Variants in PHF11 observed in about 807,000 individuals in gnomAD.
PHF11 encodes the protein BRCA1 C-terminus-associated protein.
PHF11 carries 38 observed loss-of-function variants against 40.5 expected under a neutral mutation model. That is an observed-to-expected ratio of 0.94 (90% CI 0.72 to 1.23). The LOEUF (loss-of-function observed/expected upper bound fraction) is 1.23. Among genes scored for constraint, PHF11 ranks in the 50% most tolerant of loss-of-function variants. The pLI, the probability that PHF11 is intolerant of heterozygous loss-of-function variation, is 0.00. For synonymous variants in PHF11, 127 were observed against 138.2 expected, an observed-to-expected ratio of 0.92 and a Z score of 0.57; for missense variants, 369 against 392.4, an observed-to-expected ratio of 0.94 and a Z score of 0.50.
intron 5 of PHF11, 113 bp downstream of exon 5, chr13:49,521,053 T>C (rs932327066): frequency 1.7e-5 from 24 of 1,410,946 alleles, no homozygotes; most frequent in Admixed American, 2.8e-5. Context: ...ATGTTTGAGT[T>C]AAAATTTTAC....
At chr13:49,508,317 ATAATATAT>A (rs200998024) in intron 2 of PHF11, among the ~76,000 whole-genome samples, 11,642 of 146,244 alleles carry the variant, frequency 0.08, 674 homozygotes, top group East Asian at 0.17. Flanking sequence ...TGCATTTTAT[ATAATATAT>A]TACTATATTC....
intron 1 of PHF11, among the ~76,000 whole-genome samples, chr13:49,503,863 G>T (rs890995573): frequency 9.2e-5 from 14 of 152,104 alleles, no homozygotes; most frequent in Admixed American, 9.2e-4. Flanking sequence ...CTCCCAAGTA[G>T]CTGGAATTAC....
intron 1 of PHF11, 38 bp from the exon 2 acceptor site, chr13:49,506,597 T>A: frequency 1.2e-6 from 2 of 1,607,198 alleles, no homozygotes; most frequent in Non-Finnish European, 1.7e-6. Context: ...ACCAAGAAAT[T>A]CCACTTTTCC....
At chr13:49,526,564 C>T (rs1959291552) in intron 9 of PHF11, 106 bp downstream of exon 9, 2 of 736,208 alleles carry the variant, frequency 2.7e-6, no homozygotes, top group Admixed American at 4.7e-5. Flanking sequence ...GAAGAATGTT[C>T]ATTGTTTTCT....
chr13:49,517,925 C>T (rs1959169199), intron 3 of PHF11, 93 bp from the exon 4 acceptor site: 1 of 697,878 alleles, frequency 1.4e-6, no homozygotes, highest in African/African-American at 1.8e-5. Flanking sequence ...AAATGCAGGG[C>T]TTCTGGAACT....
chr13:49,513,627 G>A (rs533532528), intron 3 of PHF11, among the ~76,000 whole-genome samples: 7 of 131,428 alleles, frequency 5.3e-5, no homozygotes, highest in Non-Finnish European at 8.8e-5. Context: ...CACCACGCCC[G>A]GCCAACATTT....
intron 1 of PHF11, among the ~76,000 whole-genome samples, chr13:49,497,708 ACT>A (rs1958836302): frequency 6.6e-6 from 1 of 152,006 alleles, no homozygotes; most frequent in East Asian, 1.9e-4. Flanking sequence ...GTCTCCCATG[ACT>A]CTCAGAACAA....
chr13:49,503,807 A>G (rs919741689), intron 1 of PHF11, among the ~76,000 whole-genome samples: 2 of 152,014 alleles, frequency 1.3e-5, no homozygotes, highest in Non-Finnish European at 2.9e-5. Flanking sequence ...ATTTCAGCTC[A>G]CTGCAGCCTC....
At chr13:49,528,337 G>T (rs1959399591) in intron 9 of PHF11, among the ~76,000 whole-genome samples, 174 bp from the exon 10 acceptor site, 1 of 152,172 alleles carries the variant, frequency 6.6e-6, no homozygotes, top group Admixed American at 6.5e-5. Context: ...GAATTAGAAG[G>T]AGGAAGTGAA....
chr13:49,515,880 C>G (rs1031736724), intron 3 of PHF11, among the ~76,000 whole-genome samples: 1 of 152,154 alleles, frequency 6.6e-6, no homozygotes, highest in East Asian at 1.9e-4. Context: ...GCATGTAAGT[C>G]CTACGTGACC....
intron 2 of PHF11, among the ~76,000 whole-genome samples, chr13:49,510,541 A>T (rs1297434776): frequency 6.6e-6 from 1 of 151,852 alleles, no homozygotes; most frequent in Non-Finnish European, 1.5e-5. Flanking sequence ...GGAGTGGCAT[A>T]ATCATAGCTC....
intron 1 of PHF11, 35 bp downstream of exon 1, chr13:49,496,130 G>A (rs1958801528): frequency 1.1e-6 from 1 of 935,882 alleles, no homozygotes; most frequent in Non-Finnish European, 1.4e-6. Flanking sequence ...CGGGCGGGCG[G>A]GGCTGGGCAG....
chr13:49,517,650 C>T (rs1959167730), intron 3 of PHF11, among the ~76,000 whole-genome samples: 1 of 152,204 alleles, frequency 6.6e-6, no homozygotes, highest in Non-Finnish European at 1.5e-5. Flanking sequence ...TCGCCTGTCT[C>T]AAAGGGCCCC....
At chr13:49,499,200 T>A (rs1566184512) in intron 1 of PHF11, among the ~76,000 whole-genome samples, 2 of 152,252 alleles carry the variant, frequency 1.3e-5, no homozygotes, top group Non-Finnish European at 2.9e-5. Flanking sequence ...AGTTTTTACA[T>A]CTTCTTTAAG....
At chr13:49,496,179 C>T in intron 1 of PHF11, 84 bp downstream of exon 1, 1 of 880,244 alleles carries the variant, frequency 1.1e-6, no homozygotes, top group Admixed American at 4.4e-5. Flanking sequence ...CCGGTCGTGG[C>T]CGCATGGGGG....
At chr13:49,504,517 G>A (rs1285957726) in intron 1 of PHF11, among the ~76,000 whole-genome samples, 1 of 68,378 alleles carries the variant, frequency 1.5e-5, no homozygotes, top group African/African-American at 3.8e-5. Context: ...GGTGAGGGGC[G>A]CCTCTGCCTG....
At chr13:49,506,375 T>A (rs543165818) in intron 1 of PHF11, among the ~76,000 whole-genome samples, 54 of 152,274 alleles carry the variant, frequency 3.5e-4, no homozygotes, top group African/African-American at 1.3e-3. Context: ...AAGCCTCTTG[T>A]CTCTACATTT....
At chr13:49,526,609 C>T (rs1183680794) in intron 9 of PHF11, 151 bp downstream of exon 9, 1 of 596,780 alleles carries the variant, frequency 1.7e-6, no homozygotes, top group South Asian at 2.0e-5. Flanking sequence ...AACAGTATGA[C>T]CCCGCCCACC....
intron 5 of PHF11, chr13:49,521,207 TGG>T: frequency 9.1e-7 from 1 of 1,103,584 alleles, no homozygotes; most frequent in East Asian, 5.3e-5. Flanking sequence ...AACTAAGACA[TGG>T]GAAAAAGCCT....
Sources: gnomAD v4.1 joint callset for allele counts (sites outside exome capture counted in the v4.1 genomes callset) on GRCh38, gnomAD v4.1.1 for gene constraint, MANE v1.5 for transcripts, NCBI Gene and HGNC (gene_info 2026-07-23, HGNC 2026-07-21) for gene names.